The following ST6GALNAC3 variants were observed in gnomAD, a reference collection of about 807,000 sequenced individuals.
ST6GALNAC3 encodes ST6 N-acetylgalactosaminide alpha-2,6-sialyltransferase 3, also known as alpha-N-acetylgalactosaminide alpha-2,6-sialyltransferase 3.
ST6GALNAC3 carries 25 observed loss-of-function variants against 32.7 expected under a neutral mutation model. The observed-to-expected ratio is 0.76, with a 90% CI of 0.56 to 1.07. ST6GALNAC3 has a LOEUF of 1.07. Ranked by LOEUF, ST6GALNAC3 falls within the 50% of genes least tolerant of loss-of-function variation. ST6GALNAC3 has a pLI of 0.00. For synonymous variants in ST6GALNAC3, 129 were observed against 133.1 expected (o/e 0.97, Z 0.21); for missense variants, 355 against 382.4 (o/e 0.93, Z 0.60).
intron 3 of ST6GALNAC3, among the ~76,000 whole-genome samples, chr1:76,516,165 A>T (rs1021621255): frequency 1.1e-4 from 17 of 152,204 alleles, no homozygotes; most frequent in Admixed American, 1.0e-3. Context: ...TGTAGGGCTG[A>T]CTTCAAGCCA....
At chr1:76,219,405 C>A (rs774522520) in intron 1 of ST6GALNAC3, among the ~76,000 whole-genome samples, 2 of 152,146 alleles carry the variant, frequency 1.3e-5, no homozygotes, top group African/African-American at 4.8e-5. Flanking sequence ...TTTTGAGGTC[C>A]CATGTGATTC....
chr1:76,149,568 G>A (rs1650910305), intron 1 of ST6GALNAC3, among the ~76,000 whole-genome samples: 1 of 152,182 alleles, frequency 6.6e-6, no homozygotes, highest in Admixed American at 6.5e-5. Context: ...CACAATCAAA[G>A]CTATTAATGT....
At chr1:76,625,097 A>G (rs1313263928) in intron 3 of ST6GALNAC3, among the ~76,000 whole-genome samples, 1 of 151,996 alleles carries the variant, frequency 6.6e-6, no homozygotes, top group Non-Finnish European at 1.5e-5. Flanking sequence ...GTAGCAGCAG[A>G]GCTGCAATAT....
intron 3 of ST6GALNAC3, among the ~76,000 whole-genome samples, chr1:76,456,575 C>T (rs1657818729): frequency 1.3e-5 from 2 of 152,002 alleles, no homozygotes; most frequent in African/African-American, 4.8e-5. Flanking sequence ...TGTAATCCAG[C>T]ATATATACAG....
chr1:76,143,563 A>G (rs146717161), intron 1 of ST6GALNAC3, among the ~76,000 whole-genome samples: 6 of 152,254 alleles, frequency 3.9e-5, no homozygotes, highest in African/African-American at 1.4e-4. Flanking sequence ...CCTTTGAAAA[A>G]TCAAATTCTC....
chr1:76,440,951 G>T (rs905020299), intron 3 of ST6GALNAC3, among the ~76,000 whole-genome samples: 1 of 152,018 alleles, frequency 6.6e-6, no homozygotes, highest in Admixed American at 6.6e-5. Context: ...AGCTGGGCAT[G>T]GTGGGGTGTG....
At chr1:76,390,946 A>ATTTTTTTTTTTTTTTTTTTT (rs58114434) in intron 2 of ST6GALNAC3, among the ~76,000 whole-genome samples, 4 of 120,980 alleles carry the variant, frequency 3.3e-5, no homozygotes, top group Non-Finnish European at 7.6e-5. Flanking sequence ...ATATATATGT[A>ATTTTTTTTTTTTTTTTTTTT]TTTTTTTTTT....
chr1:76,429,546 A>G (rs1038947384), intron 3 of ST6GALNAC3, among the ~76,000 whole-genome samples: 1 of 152,080 alleles, frequency 6.6e-6, no homozygotes, highest in Admixed American at 6.6e-5. Context: ...TTATTTTTCC[A>G]TCATTTAGAA....
At chr1:76,398,759 A>G (rs1653180188) in intron 2 of ST6GALNAC3, among the ~76,000 whole-genome samples, 1 of 152,178 alleles carries the variant, frequency 6.6e-6, no homozygotes, top group African/African-American at 2.4e-5. Context: ...TTTCTGGGTC[A>G]TAGAGCATAT....
intron 2 of ST6GALNAC3, among the ~76,000 whole-genome samples, chr1:76,404,199 G>A (rs550605150): frequency 3.3e-5 from 5 of 152,188 alleles, no homozygotes; most frequent in Admixed American, 3.3e-4. Context: ...TAGAGTCAGA[G>A]CTAAACCATC....
intron 1 of ST6GALNAC3, among the ~76,000 whole-genome samples, chr1:76,264,971 G>A (rs906018926): frequency 6.6e-6 from 1 of 150,798 alleles, no homozygotes; most frequent in African/African-American, 2.4e-5. Flanking sequence ...TACTTTTAAG[G>A]CCTTTATTCC....
intron 1 of ST6GALNAC3, among the ~76,000 whole-genome samples, chr1:76,168,017 G>T (rs1046058000): frequency 6.6e-6 from 1 of 151,628 alleles, no homozygotes; most frequent in African/African-American, 2.4e-5. Flanking sequence ...GTTATTTCTT[G>T]TCTTCTGCTA....
chr1:76,504,464 A>G (rs1661353655), intron 3 of ST6GALNAC3, among the ~76,000 whole-genome samples: 1 of 152,106 alleles, frequency 6.6e-6, no homozygotes, highest in African/African-American at 2.4e-5. Flanking sequence ...CCACCATTCA[A>G]CCTGATACAA....
downstream of ST6GALNAC3, chr1:76,637,015 A>G (rs973635238): frequency 5.4e-5 from 8 of 148,360 alleles, no homozygotes; most frequent in Non-Finnish European, 1.2e-4. Flanking sequence ...ACAGGGATAA[A>G]TTGTTTAGTT....
intron 1 of ST6GALNAC3, among the ~76,000 whole-genome samples, chr1:76,155,907 C>A (rs1651382173): frequency 6.6e-6 from 1 of 152,030 alleles, no homozygotes; most frequent in African/African-American, 2.4e-5. Flanking sequence ...TTCGGATTTC[C>A]TTTATTTTGA....
At chr1:76,514,293 C>T (rs1002451) in intron 3 of ST6GALNAC3, among the ~76,000 whole-genome samples, 16,198 of 152,002 alleles carry the variant, frequency 0.11, 982 homozygotes, top group East Asian at 0.22. Flanking sequence ...TTGAATATTG[C>T]CAGAAGCTTT....
intron 3 of ST6GALNAC3, among the ~76,000 whole-genome samples, chr1:76,564,232 G>A (rs1240347697): frequency 6.6e-6 from 1 of 152,180 alleles, no homozygotes; most frequent in Non-Finnish European, 1.5e-5. Flanking sequence ...TGGACCCAGT[G>A]GGAGATAAAG....
chr1:76,099,242 C>T (rs1647180480), intron 1 of ST6GALNAC3, among the ~76,000 whole-genome samples: 1 of 152,088 alleles, frequency 6.6e-6, no homozygotes, highest in Non-Finnish European at 1.5e-5. Context: ...GATCCTGGCC[C>T]TTTATACTTC....
At chr1:76,345,408 G>A (rs939972642) in intron 2 of ST6GALNAC3, among the ~76,000 whole-genome samples, 1 of 152,018 alleles carries the variant, frequency 6.6e-6, no homozygotes, top group African/African-American at 2.4e-5. Context: ...AGAGAAGACA[G>A]GAGAAAAGAG....
Sources: gnomAD v4.1 joint callset for allele counts (sites outside exome capture counted in the v4.1 genomes callset) on GRCh38, gnomAD v4.1.1 for gene constraint, MANE v1.5 for transcripts, NCBI Gene and HGNC (gene_info 2026-07-23, HGNC 2026-07-21) for gene names.